Variants in LRRK1 observed in about 807,000 individuals in gnomAD.
The protein encoded by LRRK1 is leucine-rich repeat serine/threonine-protein kinase 1.
Under a neutral mutation model 209.1 loss-of-function variants are expected in LRRK1, and 113 were observed. That is an observed-to-expected ratio of 0.54 (90% CI 0.46 to 0.63). The LOEUF (loss-of-function observed/expected upper bound fraction) is 0.63, where lower values mean the gene tolerates loss of function less well. Ranked by LOEUF, LRRK1 falls within the 30% of genes least tolerant of loss-of-function variation. LRRK1 has a pLI of 0.00. For missense variants in LRRK1, 2,284 were observed against 2,632.2 expected (o/e 0.87, Z 2.89); for synonymous variants, 1,144 against 1,099.7 (o/e 1.04, Z -0.80).
intron 21 of LRRK1, 49 bp from the exon 22 acceptor site, chr15:101,048,445 C>T (rs1471063915): frequency 3.9e-6 from 6 of 1,552,162 alleles, no homozygotes; most frequent in Non-Finnish European, 5.2e-6. Flanking sequence ...TGCCCAGGGC[C>T]AGCGAGGAGC....
At chr15:101,067,967 C>T (rs542426101) in intron 33 of LRRK1, among the ~76,000 whole-genome samples, 1 of 152,206 alleles carries the variant, frequency 6.6e-6, no homozygotes, top group Non-Finnish European at 1.5e-5. Flanking sequence ...GGCAAGGCCA[C>T]GCGGAGTGAG....
chr15:101,049,771 C>A lies in LRRK1; in HGVS notation c.3427C>A (p.Gln1143Lys). The change falls in exon 23 of 34, where the codon CAG (glutamine) becomes AAG (lysine). Residue 1143 changes from glutamine to lysine, a missense_variant. By Grantham distance (53) the Gln-to-Lys change is moderately conservative. This residue lies in a region of LRRK1 where 780 missense variants were observed against 985.2 expected (regional missense o/e 0.79). Transcript: ENST00000388948. ...GGACCACGTCAATTCCTTGATTGAT[C>A]AGTGGTTTCCCGGTAAGAGGAGATG... ...ITDHVNSLID[Q>K]WFPALTATES... 1.2e-6 allele frequency: 2 copies of A among 1,613,224 alleles called. No homozygotes were observed. The highest frequency in any genetic ancestry group is 1.7e-6 in the Non-Finnish European group (2 of 1,179,564).
chr15:100,948,523 A>AT (rs1224537585), intron 2 of LRRK1, among the ~76,000 whole-genome samples: 9 of 151,442 alleles, frequency 5.9e-5, no homozygotes, highest in South Asian at 2.1e-4. Flanking sequence ...TACGTTGCAA[A>AT]TTTTTTTTTC....
chr15:101,060,542 G>T (rs757040000), intron 29 of LRRK1, among the ~76,000 whole-genome samples: 1 of 152,310 alleles, frequency 6.6e-6, no homozygotes, highest in South Asian at 2.1e-4. Context: ...ACTGCTATCC[G>T]CGAGCTTAAC....
At chr15:100,944,476 G>A (rs2042500660) in intron 2 of LRRK1, among the ~76,000 whole-genome samples, 1 of 152,182 alleles carries the variant, frequency 6.6e-6, no homozygotes, top group African/African-American at 2.4e-5. Context: ...TTACAAGGAT[G>A]GGTTTGTGGC....
In LRRK1 at chr15:101,076,086, G is replaced by T. The variant is rs925095216; in HGVS notation, c.*7238G>T. The T allele has an allele frequency of 6.6e-6, 1 of 152,174 alleles. No individual in the cohort carries two copies. Among genetic ancestry groups the T allele is most frequent in the African/African-American group, 2.4e-5 (1 of 41,428 alleles). 9.4% of individuals were successfully genotyped at this position (152,174 alleles called of 1,614,324 possible). A position where few individuals can be genotyped will look rare whatever the true frequency, so the allele number is the denominator to read the frequency against. ...CTCCTTTCCTTCCTAGGCATGGTTA[G>T]TGCAGTCAGAATTCTTACACAAGAG... On this transcript the variant is annotated 3_prime_UTR_variant, in exon 34 of 34. Coordinates refer to ENST00000388948, the MANE Select transcript of LRRK1 (RefSeq NM_024652.6).
intron 20 of LRRK1, among the ~76,000 whole-genome samples, chr15:101,030,353 C>T (rs2034227369): frequency 6.6e-6 from 1 of 152,148 alleles, no homozygotes; most frequent in Non-Finnish European, 1.5e-5. Flanking sequence ...TTGCCCAAGC[C>T]ATCAATTCAG....
chr15:100,944,856 A>G (rs2042506017), intron 2 of LRRK1, among the ~76,000 whole-genome samples: 1 of 152,216 alleles, frequency 6.6e-6, no homozygotes, highest in African/African-American at 2.4e-5. Flanking sequence ...TCGATCTACA[A>G]TCCTGAGATT....
At chr15:101,016,116 A>G (rs1330844867) in intron 12 of LRRK1, among the ~76,000 whole-genome samples, 1 of 151,616 alleles carries the variant, frequency 6.6e-6, no homozygotes. Context: ...CAGCCTCCCA[A>G]GTAGCTGGGA....
At chr15:101,014,479 A>G in intron 11 of LRRK1, 51 bp downstream of exon 11, 3 of 1,248,318 alleles carry the variant, frequency 2.4e-6, no homozygotes. Context: ...GTGTGGGGCC[A>G]CGGTCGAGCA....
chr15:101,016,313 G>A (rs1005506393), intron 12 of LRRK1, among the ~76,000 whole-genome samples: 1 of 146,314 alleles, frequency 6.8e-6, no homozygotes, highest in African/African-American at 2.5e-5. Context: ...TACAATACAG[G>A]ATGCCAGGAA....
intron 2 of LRRK1, among the ~76,000 whole-genome samples, chr15:100,935,311 G>C (rs2042282340): frequency 6.6e-6 from 1 of 152,200 alleles, no homozygotes. Flanking sequence ...CATTTACACA[G>C]AATGAAGTGA....
At chr15:101,052,849 G>A (rs2035541927) in intron 24 of LRRK1, 73 bp from the exon 25 acceptor site, 3 of 1,517,586 alleles carry the variant, frequency 2.0e-6, no homozygotes, top group Non-Finnish European at 2.7e-6. Context: ...GGCCGTTGGG[G>A]CAAATGACCC....
Position 100,942,386 on chromosome 15 carries a change from C to T in LRRK1, c.97+17657C>T, listed in dbSNP as rs549398142. 7.4e-4 allele frequency among the ~76,000 whole-genome samples: 113 copies of T among 152,268 alleles called. 1 individual carries two copies. Among genetic ancestry groups the T allele is most frequent in the Non-Finnish European group, 4.6e-4 (31 of 68,022 alleles). On this transcript the variant is annotated intron_variant, in intron 2 of 33. Transcript: ENST00000388948. ...TTTCTCTGTTGGGCAAATTATGTAG[C>T]CTCAACTGGACTCTATTTCTATTAG...
chr15:101,065,030 C>G (rs1044666720), intron 31 of LRRK1: 1 of 391,452 alleles, frequency 2.6e-6, no homozygotes, highest in Non-Finnish European at 4.7e-6. Context: ...CCCTGCTGCT[C>G]GCCCTGCAAG....
intron 20 of LRRK1, among the ~76,000 whole-genome samples, chr15:101,043,283 C>T (rs896094594): frequency 6.6e-6 from 1 of 152,194 alleles, no homozygotes; most frequent in Non-Finnish European, 1.5e-5. Flanking sequence ...TTGCCTGAGG[C>T]CCCACCCACC....
intron 2 of LRRK1, among the ~76,000 whole-genome samples, chr15:100,965,259 A>G (rs943746466): frequency 1.3e-5 from 2 of 152,260 alleles, no homozygotes; most frequent in Non-Finnish European, 2.9e-5. Flanking sequence ...AGACTGAGTT[A>G]TTGGCAGCTA....
intron 21 of LRRK1, among the ~76,000 whole-genome samples, chr15:101,047,255 A>G (rs1009750201): frequency 6.6e-6 from 1 of 152,248 alleles, no homozygotes; most frequent in African/African-American, 2.4e-5. Context: ...AAAAAAATCA[A>G]TGCAAAAGCC....
At position 100,974,324 on chromosome 15, in the gene LRRK1, T is replaced by C. The variant is rs376047687; in HGVS notation, c.261+357T>C. 3.3e-4 allele frequency among the ~76,000 whole-genome samples: 50 copies of C among 152,178 alleles called. 1 individual carries two copies. The highest frequency in any genetic ancestry group is 3.3e-3 in the Admixed American group (50 of 15,284). On this transcript the variant is annotated intron_variant, in intron 3 of 33. Transcript: ENST00000388948. ...CTGGAAAAATAAAATTTAGAAAATATGTCAAAGTAGGAAAAATGGGACAAA... is the reference window on the plus strand; with the variant it reads ...CTGGAAAAATAAAATTTAGAAAATACGTCAAAGTAGGAAAAATGGGACAAA...
Sources: allele counts gnomAD v4.1 joint callset (sites outside exome capture counted in the v4.1 genomes callset), GRCh38; gene constraint gnomAD v4.1.1; regional missense constraint gnomAD v4.1.1; transcripts MANE v1.5; gene names NCBI Gene and HGNC (gene_info 2026-07-23, HGNC 2026-07-21).